The following MAST4 variants were observed in gnomAD, a reference collection of about 807,000 sequenced individuals.
MAST4 encodes the protein microtubule associated serine/threonine kinase family member 4.
Under a neutral mutation model 162.7 loss-of-function variants are expected in MAST4, and 89 were observed. The observed-to-expected ratio is 0.55, with a 90% CI of 0.46 to 0.65. The LOEUF is 0.65. Among genes scored for constraint, MAST4 ranks in the 30% least tolerant of loss-of-function variants. The pLI is 0.00. For missense variants in MAST4, 3,153 were observed against 3,374.0 expected (o/e 0.93, Z 1.62); for synonymous variants, 1,479 against 1,361.1 (o/e 1.09, Z -1.91).
intron 4 of MAST4, among the ~76,000 whole-genome samples, chr5:66,911,536 TACAA>T (rs1344473268): frequency 1.7e-5 from 2 of 119,500 alleles, no homozygotes; most frequent in African/African-American, 6.3e-5. Context: ...ACCCTGTCTC[TACAA>T]ACAAACAAAC....
intron 1 of MAST4, among the ~76,000 whole-genome samples, chr5:66,659,031 T>C (rs1468374119): frequency 6.6e-6 from 1 of 151,980 alleles, no homozygotes; most frequent in African/African-American, 2.4e-5. Context: ...AAAAAATAAA[T>C]AATTAAAAAT....
intron 4 of MAST4, among the ~76,000 whole-genome samples, chr5:66,982,698 G>A (rs1749013734): frequency 6.6e-6 from 1 of 152,182 alleles, no homozygotes; most frequent in Non-Finnish European, 1.5e-5. Context: ...CTCCCTAGCT[G>A]ATATTCTGGC....
chr5:66,720,734 A>G (rs1751150756), intron 1 of MAST4, among the ~76,000 whole-genome samples: 1 of 152,004 alleles, frequency 6.6e-6, no homozygotes, highest in African/African-American at 2.4e-5. Context: ...GTTTCCCTGA[A>G]GTTTATTTGG....
At chr5:66,736,644 A>C (rs1752173335) in intron 1 of MAST4, among the ~76,000 whole-genome samples, 1 of 152,226 alleles carries the variant, frequency 6.6e-6, no homozygotes, top group African/African-American at 2.4e-5. Flanking sequence ...GGATTAACGT[A>C]GTTTTTCTGC....
rs370795866 is a variant in MAST4 at position 67,164,696 on chromosome 5, G to A, written c.5517G>A (p.Val1839=). 7.5e-4 allele frequency: 1,217 copies of A among 1,613,988 alleles called. 17 individuals carry two copies. The South Asian group carries it at 7.8e-3, about 10-fold the overall frequency. The change falls in exon 29 of 29, where the codon GTG becomes GTA. Residue 1839 remains valine (V), a synonymous_variant. Coordinates refer to ENST00000403625, the MANE Select transcript of MAST4 (RefSeq NM_001164664.2). This position sits in a 1 kb window ranked among gnomAD's most constrained non-coding sequence, Gnocchi z 5.3. Reference sequence around the variant, plus strand: ...CAAGTGGTGACGTGAGGGCCTCTGTGCCACCAGTTCTCCCCAGCAGCAGTG... The same window carrying A: ...CAAGTGGTGACGTGAGGGCCTCTGTACCACCAGTTCTCCCCAGCAGCAGTG... ...PSPSGDVRAS[V]PPVLPSSSGK... is the part of the protein sequence containing the mutation.
intron 23 of MAST4, among the ~76,000 whole-genome samples, chr5:67,145,862 G>T (rs1771019811): frequency 6.6e-6 from 1 of 152,142 alleles, no homozygotes; most frequent in Non-Finnish European, 1.5e-5. Context: ...TGAAATGGAT[G>T]GTTGTTTCTT....
chr5:66,807,552 T>C (rs1367775973), intron 3 of MAST4, among the ~76,000 whole-genome samples: 1 of 152,090 alleles, frequency 6.6e-6, no homozygotes, highest in Non-Finnish European at 1.5e-5. Flanking sequence ...GTAGTCACCC[T>C]GTTGTGCTTT....
At chr5:66,764,588 C>G (rs952362023) in intron 2 of MAST4, among the ~76,000 whole-genome samples, 2 of 151,586 alleles carry the variant, frequency 1.3e-5, no homozygotes, top group Admixed American at 6.6e-5. Flanking sequence ...TCTGCATAGG[C>G]CTAGGCTAAT....
At chr5:66,803,169 C>T (rs1756004250) in intron 3 of MAST4, among the ~76,000 whole-genome samples, 1 of 152,126 alleles carries the variant, frequency 6.6e-6, no homozygotes, top group Non-Finnish European at 1.5e-5. Flanking sequence ...TAATTCATAT[C>T]AGAGCAGATT....
chr5:66,626,904 G>A (rs374410074), intron 1 of MAST4, among the ~76,000 whole-genome samples: 1 of 152,112 alleles, frequency 6.6e-6, no homozygotes, highest in Non-Finnish European at 1.5e-5. Flanking sequence ...TGGGACCAAT[G>A]GGATCATTGG....
chr5:67,142,163 G>A lies in MAST4; in HGVS notation c.2543G>A (p.Trp848Ter). Residue 848 changes from tryptophan (W) to a stop codon, truncating the protein, a stop_gained, in exon 20 of 29, where the codon TGG (tryptophan) becomes TAG (stop). Coordinates refer to ENST00000403625, the MANE Select transcript of MAST4 (RefSeq NM_001164664.2). LOFTEE classifies it high-confidence loss of function. Reference sequence around the variant, plus strand: ...CATCGATTCTTCCGTTCTTTAGACTGGAACAGTTTGCTGAGACAGAAGGCA... The same window carrying A: ...CATCGATTCTTCCGTTCTTTAGACTAGAACAGTTTGCTGAGACAGAAGGCA... ...KQHRFFRSLD[W>*]NSLLRQKAEF... The A allele has an allele frequency of 6.2e-7, 1 of 1,613,904 alleles. No homozygotes were observed. Among genetic ancestry groups the A allele is most frequent in the Non-Finnish European group, 8.5e-7 (1 of 1,179,800 alleles).
In MAST4 at chr5:66,749,412, A is replaced by C. The variant is rs116433545; in HGVS notation, c.364-10297A>C. Among the ~76,000 whole-genome samples the C allele has an allele frequency of 8.3e-3, 1,259 of 152,330 alleles. 8 individuals carry two copies. The highest frequency in any genetic ancestry group is 0.013 in the Non-Finnish European group (851 of 68,020). On this transcript the variant is annotated intron_variant, in intron 1 of 28. Coordinates refer to ENST00000403625, the MANE Select transcript of MAST4 (RefSeq NM_001164664.2). ...ACACCCTAGAATTCTGTGCTCTGGA[A>C]TACAGGTATGAGCATTACAGCCTGA...
At chr5:67,009,089 C>T (rs548523137) in intron 4 of MAST4, among the ~76,000 whole-genome samples, 24 of 152,220 alleles carry the variant, frequency 1.6e-4, no homozygotes, top group Admixed American at 3.9e-4. Context: ...GGCACTGTGA[C>T]CCAATTTTGA....
intron 4 of MAST4, among the ~76,000 whole-genome samples, chr5:66,998,374 T>G (rs11749164): frequency 0.23 from 35,294 of 152,116 alleles, 4,329 homozygotes; most frequent in Non-Finnish European, 0.27. Flanking sequence ...ATTTAGCACT[T>G]CATACACAAC....
chr5:67,104,697 GAA>G (rs60519477), intron 10 of MAST4, 122 bp downstream of exon 10: 626 of 481,208 alleles, frequency 1.3e-3, no homozygotes, highest in East Asian at 3.8e-3. Context: ...AAAAAAGAAG[GAA>G]AAAAAAAAAA....
chr5:66,884,679 G>C (rs1018338790), intron 3 of MAST4, among the ~76,000 whole-genome samples: 1 of 152,188 alleles, frequency 6.6e-6, no homozygotes, highest in Non-Finnish European at 1.5e-5. Flanking sequence ...TCCAAGGACT[G>C]TCCTAGTTTG....
In MAST4 at chr5:67,169,554, T is replaced by C. The variant is rs1774386828; in HGVS notation, c.*2503T>C. ...ATATTGAACAAAATATTTATACTTA[T>C]GCAGTTGCATAACATTGAAATAAAA... On this transcript the variant is annotated 3_prime_UTR_variant, in exon 29 of 29. Transcript: ENST00000403625. The C allele has an allele frequency of 2.0e-5, 3 of 152,248 alleles. No homozygotes were observed. Among genetic ancestry groups the C allele is most frequent in the African/African-American group, 7.2e-5 (3 of 41,458 alleles). 9.4% of individuals were successfully genotyped at this position (152,248 alleles called of 1,614,324 possible).
intron 1 of MAST4, among the ~76,000 whole-genome samples, chr5:66,614,958 G>A (rs943534022): frequency 1.3e-5 from 2 of 152,244 alleles, no homozygotes; most frequent in East Asian, 3.9e-4. Flanking sequence ...GTTAAATCTG[G>A]GTCTTTCACT....
chr5:67,161,335 A>C (rs2151115061), intron 27 of MAST4, among the ~76,000 whole-genome samples: 1 of 152,258 alleles, frequency 6.6e-6, no homozygotes, highest in South Asian at 2.1e-4. Flanking sequence ...GGGGAAAAAA[A>C]GTTATACAAG....
Sources: allele counts gnomAD v4.1 joint callset (sites outside exome capture counted in the v4.1 genomes callset), GRCh38; gene constraint gnomAD v4.1.1; non-coding constraint Gnocchi (gnomAD v3.1); transcripts MANE v1.5; gene names NCBI Gene and HGNC (gene_info 2026-07-23, HGNC 2026-07-21).